NLGN1: variants seen among roughly 807,000 people sequenced by gnomAD.
NLGN1 encodes the protein neuroligin 1.
In NLGN1, 12 loss-of-function variants were observed where a neutral mutation model predicts 65.5. The observed-to-expected ratio is 0.18, with a 90% CI of 0.12 to 0.30. The LOEUF (loss-of-function observed/expected upper bound fraction) is 0.30. Ranked by LOEUF, NLGN1 falls within the 10% of genes least tolerant of loss-of-function variation. NLGN1 has a pLI of 1.00. For synonymous variants in NLGN1, 350 were observed against 359.5 expected (o/e 0.97, Z 0.30); for missense variants, 750 against 1,007.1 (o/e 0.74, Z 3.46).
chr3:174,212,100 G>T (rs1736732877), intron 4 of NLGN1, among the ~76,000 whole-genome samples: 1 of 152,200 alleles, frequency 6.6e-6, no homozygotes, highest in Non-Finnish European at 1.5e-5. Flanking sequence ...CGGGCTGCAG[G>T]TCCCTAGCCC....
intron 3 of NLGN1, among the ~76,000 whole-genome samples, chr3:173,618,014 C>G (rs1320064096): frequency 6.6e-6 from 1 of 152,092 alleles, no homozygotes; most frequent in Non-Finnish European, 1.5e-5. Context: ...TTATGAGAGG[C>G]AAGAAGCCTG....
At chr3:174,170,519 G>A (rs574575123) in intron 4 of NLGN1, among the ~76,000 whole-genome samples, 15 of 152,244 alleles carry the variant, frequency 9.9e-5, no homozygotes, top group South Asian at 2.1e-4. Flanking sequence ...GTCCTCCTTC[G>A]TAAATTGTTT....
At chr3:173,852,770 T>C (rs1425979443) in intron 4 of NLGN1, among the ~76,000 whole-genome samples, 2 of 152,236 alleles carry the variant, frequency 1.3e-5, no homozygotes, top group African/African-American at 4.8e-5. Flanking sequence ...AGTGGAGCTT[T>C]AATATTCTTG....
At chr3:173,660,517 T>C (rs1760779931) in intron 3 of NLGN1, among the ~76,000 whole-genome samples, 1 of 151,936 alleles carries the variant, frequency 6.6e-6, no homozygotes, top group South Asian at 2.1e-4. Context: ...TTATTGAAAC[T>C]ATTAAATTGC....
intron 4 of NLGN1, among the ~76,000 whole-genome samples, chr3:174,166,374 AC>A (rs1464029354): frequency 6.6e-6 from 1 of 151,926 alleles, no homozygotes; most frequent in Non-Finnish European, 1.5e-5. Context: ...TGTATCAGAG[AC>A]CTTTTGGTAT....
intron 4 of NLGN1, among the ~76,000 whole-genome samples, chr3:174,182,255 C>T (rs75370179): frequency 1.3e-5 from 2 of 152,058 alleles, no homozygotes; most frequent in Admixed American, 6.5e-5. Flanking sequence ...CCTCTTAACT[C>T]GTCTCCCAGT....
At chr3:174,175,600 T>G (rs978238137) in intron 4 of NLGN1, among the ~76,000 whole-genome samples, 5 of 151,950 alleles carry the variant, frequency 3.3e-5, no homozygotes, top group Non-Finnish European at 5.9e-5. Context: ...AAAACTGTCA[T>G]TCAAATTCTA....
At chr3:173,632,837 G>GTTTTTTTTTTT (rs59210572) in intron 3 of NLGN1, among the ~76,000 whole-genome samples, 1 of 117,786 alleles carries the variant, frequency 8.5e-6, no homozygotes. Flanking sequence ...CTTGAGTAGT[G>GTTTTTTTTTTT]TTTTTTTTTT....
intron 4 of NLGN1, among the ~76,000 whole-genome samples, chr3:174,164,690 G>T (rs540098119): frequency 6.6e-6 from 1 of 151,982 alleles, no homozygotes. Context: ...TTTACTTCTG[G>T]GTTCTCTATT....
chr3:173,406,805 C>T (rs1718789641), intron 1 of NLGN1, among the ~76,000 whole-genome samples: 1 of 151,974 alleles, frequency 6.6e-6, no homozygotes, highest in Non-Finnish European at 1.5e-5. Flanking sequence ...GTGTGCCACT[C>T]TCCTTTCTTT....
At chr3:173,501,645 A>G (rs1049757873) in intron 2 of NLGN1, among the ~76,000 whole-genome samples, 7 of 150,198 alleles carry the variant, frequency 4.7e-5, no homozygotes, top group Middle Eastern at 3.2e-3. Flanking sequence ...GCAGATAATT[A>G]TGTATAATTA....
chr3:173,994,358 G>A (rs1165343149), intron 4 of NLGN1, among the ~76,000 whole-genome samples: 1 of 151,044 alleles, frequency 6.6e-6, no homozygotes, highest in Non-Finnish European at 1.5e-5. Flanking sequence ...GCCCCTCAAA[G>A]TGCGGGGATA....
At chr3:173,594,711 C>T (rs948829590) in intron 2 of NLGN1, among the ~76,000 whole-genome samples, 1 of 152,214 alleles carries the variant, frequency 6.6e-6, no homozygotes. Flanking sequence ...TCCATGAGTG[C>T]CCCGCTGCTG....
intron 4 of NLGN1, among the ~76,000 whole-genome samples, chr3:174,113,655 A>G (rs73042180): frequency 0.027 from 4,136 of 152,178 alleles, 208 homozygotes; most frequent in African/African-American, 0.094. Flanking sequence ...CCTGGATTTA[A>G]TGATTTAAAA....
chr3:173,536,777 G>A (rs1241481850), intron 2 of NLGN1, among the ~76,000 whole-genome samples: 1 of 152,198 alleles, frequency 6.6e-6, no homozygotes, highest in Non-Finnish European at 1.5e-5. Flanking sequence ...GTGTGTGTGT[G>A]TGTGCGTAGG....
chr3:173,755,150 A>G (rs778304152), intron 3 of NLGN1, among the ~76,000 whole-genome samples: 3 of 152,146 alleles, frequency 2.0e-5, no homozygotes, highest in Non-Finnish European at 4.4e-5. Flanking sequence ...AATTTTGTTC[A>G]GTTAATATTT....
At chr3:173,707,555 G>C (rs1052669221) in intron 3 of NLGN1, among the ~76,000 whole-genome samples, 3 of 152,028 alleles carry the variant, frequency 2.0e-5, no homozygotes, top group Non-Finnish European at 4.4e-5. Flanking sequence ...TCGGTAGAAA[G>C]TAAATAAGAA....
At chr3:173,797,092 T>C (rs17322942) in intron 3 of NLGN1, among the ~76,000 whole-genome samples, 11,940 of 152,144 alleles carry the variant, frequency 0.078, 519 homozygotes, top group Middle Eastern at 0.099. Flanking sequence ...GAAGAGGGAA[T>C]CTTGAGATCA....
chr3:174,167,136 A>G (rs1023297007), intron 4 of NLGN1, among the ~76,000 whole-genome samples: 10 of 152,016 alleles, frequency 6.6e-5, no homozygotes, highest in African/African-American at 2.4e-4. Flanking sequence ...ATTTTATCCA[A>G]CTTGTCACTC....
Sources: gnomAD v4.1 joint callset for allele counts (sites outside exome capture counted in the v4.1 genomes callset) on GRCh38, gnomAD v4.1.1 for gene constraint, MANE v1.5 for transcripts, NCBI Gene and HGNC (gene_info 2026-07-23, HGNC 2026-07-21) for gene names.